The following GPHN variants were observed in gnomAD, a reference collection of about 807,000 sequenced individuals.
The protein encoded by GPHN is gephyrin.
Under a neutral mutation model 95.5 loss-of-function variants are expected in GPHN, and 17 were observed. That is an observed-to-expected ratio of 0.18 (90% CI 0.12 to 0.27). The LOEUF is 0.27. GPHN is among the 10% of genes least tolerant of loss of function. The pLI is 1.00. For synonymous variants in GPHN, 320 were observed against 322.5 expected (o/e 0.99, Z 0.08); for missense variants, 660 against 978.1 (o/e 0.67, Z 4.34).
chr14:66,979,927 G>A (rs564760496), intron 9 of GPHN, among the ~76,000 whole-genome samples: 2 of 152,122 alleles, frequency 1.3e-5, no homozygotes, highest in East Asian at 3.9e-4. Flanking sequence ...GGAATAGAGA[G>A]GCCAGCCCAC....
intron 8 of GPHN, among the ~76,000 whole-genome samples, chr14:66,940,327 A>G (rs1423836391): frequency 1.3e-5 from 2 of 152,046 alleles, no homozygotes; most frequent in African/African-American, 4.8e-5. Context: ...AAGATTAATG[A>G]CTACTCATGT....
At position 66,535,738 on chromosome 14, in the gene GPHN, C is replaced by T. The variant is rs146660829; in HGVS notation, c.64+27147C>T. On this transcript the variant is annotated intron_variant, in intron 1 of 22. Coordinates refer to ENST00000478722, the MANE Select transcript of GPHN (RefSeq NM_020806.5). ...TGAAAGTGCTATTGTAAATGGTATT[C>T]GTTATTTAAATTTCATTTTGAATTG... Among the ~76,000 whole-genome samples the T allele has an allele frequency of 5.6e-3, 848 of 152,062 alleles. 8 individuals carry two copies. The highest frequency in any genetic ancestry group is 0.01 in the Non-Finnish European group (688 of 67,948).
the GPHN span, among the ~76,000 whole-genome samples, chr14:67,282,094 T>C: frequency 1.3e-5 from 2 of 152,188 alleles, no homozygotes; most frequent in Admixed American, 1.3e-4. Context: ...ATATCTGTTA[T>C]GTAAGAATCA....
the GPHN span, chr14:67,648,679 G>T: frequency 6.6e-6 from 1 of 152,368 alleles, no homozygotes; most frequent in African/African-American, 2.4e-5. Flanking sequence ...TAATAAGGGG[G>T]ATACAGTTAG....
At chr14:67,187,896 C>G in the GPHN span, among the ~76,000 whole-genome samples, 1 of 152,168 alleles carries the variant, frequency 6.6e-6, no homozygotes, top group Non-Finnish European at 1.5e-5. Flanking sequence ...TATCTTATCA[C>G]TACATAACAC....
At chr14:66,838,990 C>T (rs747423548) in intron 4 of GPHN, among the ~76,000 whole-genome samples, 5 of 152,142 alleles carry the variant, frequency 3.3e-5, no homozygotes, top group Non-Finnish European at 5.9e-5. Context: ...TTGAATAATT[C>T]TAATAATTTT....
the GPHN span, chr14:67,599,939 G>A: frequency 8.5e-7 from 1 of 1,177,252 alleles, no homozygotes; most frequent in East Asian, 2.8e-5. Flanking sequence ...CCGACCAGAG[G>A]TCCGGGCTCG....
intron 10 of GPHN, among the ~76,000 whole-genome samples, chr14:67,039,117 C>G (rs2074573204): frequency 6.6e-6 from 1 of 152,164 alleles, no homozygotes; most frequent in South Asian, 2.1e-4. Flanking sequence ...TTCCATAGTA[C>G]TAAGCCTCCA....
the GPHN span, among the ~76,000 whole-genome samples, chr14:67,679,436 C>T: frequency 6.7e-6 from 1 of 148,990 alleles, no homozygotes; most frequent in Non-Finnish European, 1.5e-5. Flanking sequence ...CGGAGTCTCA[C>T]TCTGTCGCCC....
At chr14:67,415,980 G>T in the GPHN span, among the ~76,000 whole-genome samples, 1 of 152,270 alleles carries the variant, frequency 6.6e-6, no homozygotes, top group South Asian at 2.1e-4. Flanking sequence ...CCTGTCAGGG[G>T]ATGTGGCGGG....
At chr14:67,364,964 G>A in the GPHN span, 1 of 1,613,870 alleles carries the variant, frequency 6.2e-7, no homozygotes, top group Non-Finnish European at 8.5e-7. Flanking sequence ...ATCCGAATTG[G>A]CAGGAATGAG....
intron 1 of GPHN, among the ~76,000 whole-genome samples, chr14:66,622,674 C>G (rs571690083): frequency 2.0e-5 from 3 of 152,140 alleles, no homozygotes; most frequent in Non-Finnish European, 4.4e-5. Flanking sequence ...GTTCAAAGTT[C>G]CACAGATCTC....
chr14:67,695,846 C>T, the GPHN span: 3 of 713,884 alleles, frequency 4.2e-6, no homozygotes, highest in Admixed American at 8.8e-5. Flanking sequence ...AGCTTGACAG[C>T]CTCAGGCTGG....
intron 8 of GPHN, among the ~76,000 whole-genome samples, chr14:66,944,696 A>T (rs575877042): frequency 6.6e-6 from 1 of 152,252 alleles, no homozygotes; most frequent in African/African-American, 2.4e-5. Flanking sequence ...TAGGGTGGAG[A>T]AAAGAAAAAG....
the GPHN span, among the ~76,000 whole-genome samples, chr14:67,526,448 G>T: frequency 3.3e-5 from 5 of 152,244 alleles, no homozygotes; most frequent in African/African-American, 9.6e-5. Context: ...GTAGGAAAAG[G>T]TATGCATTGC....
At chr14:66,740,708 T>C (rs1323666590) in intron 2 of GPHN, among the ~76,000 whole-genome samples, 25 of 152,192 alleles carry the variant, frequency 1.6e-4, no homozygotes, top group Admixed American at 1.6e-3. Context: ...TTAATGTATA[T>C]TTAAATGAAG....
chr14:66,704,899 A>G (rs1202906553), intron 2 of GPHN, among the ~76,000 whole-genome samples: 1 of 140,306 alleles, frequency 7.1e-6, no homozygotes, highest in Non-Finnish European at 1.5e-5. Context: ...AAAGATTAAC[A>G]CAGTAGATAG....
At chr14:67,079,846 A>G (rs530146253) in intron 11 of GPHN, among the ~76,000 whole-genome samples, 1 of 152,160 alleles carries the variant, frequency 6.6e-6, no homozygotes, top group South Asian at 2.1e-4. Context: ...CCTATTAATG[A>G]ACATTTGAGT....
At chr14:67,018,401 T>C (rs947548508) in intron 9 of GPHN, among the ~76,000 whole-genome samples, 1 of 152,116 alleles carries the variant, frequency 6.6e-6, no homozygotes, top group African/African-American at 2.4e-5. Context: ...AGCTGGATCT[T>C]AAAGGACAAG....
Sources: allele counts gnomAD v4.1 joint callset (sites outside exome capture counted in the v4.1 genomes callset), GRCh38; gene constraint gnomAD v4.1.1; transcripts MANE v1.5; gene names NCBI Gene and HGNC (gene_info 2026-07-23, HGNC 2026-07-21).